CENPI: variants seen among roughly 807,000 people sequenced by gnomAD.
CENPI encodes FSH primary response 1.
In CENPI, 4 loss-of-function variants were observed where a neutral mutation model predicts 60.4. The ratio of observed to expected loss-of-function variants is 0.07; its 90% CI spans 0.03 to 0.15. The LOEUF (loss-of-function observed/expected upper bound fraction) is 0.15, where lower values mean the gene tolerates loss of function less well. CENPI is among the 10% of genes least tolerant of loss of function. CENPI has a pLI of 1.00. For synonymous variants in CENPI, 157 were observed against 189.4 expected, an observed-to-expected ratio of 0.83 and a Z score of 1.40; for missense variants, 444 against 534.5, an observed-to-expected ratio of 0.83 and a Z score of 1.67.
At chrX:101,131,755 G>A (rs2089797553) in intron 13 of CENPI, among the ~76,000 whole-genome samples, 1 of 111,488 alleles carries the variant, frequency 9.0e-6, no homozygotes, top group Non-Finnish European at 1.9e-5. Context: ...GGAAATATAA[G>A]CAACCTAGAC....
chrX:101,144,757 G>A (rs771438980), intron 16 of CENPI, among the ~76,000 whole-genome samples: 2 of 110,698 alleles, frequency 1.8e-5, no homozygotes, highest in African/African-American at 3.3e-5. Flanking sequence ...ATTTTTTAAT[G>A]GTTTTTATAT....
chrX:101,171,521 T>A, the CENPI span, among the ~76,000 whole-genome samples: 1 of 111,714 alleles, frequency 9.0e-6, no homozygotes, highest in Non-Finnish European at 1.9e-5. Flanking sequence ...ATTGCAGCCT[T>A]GATCTTCCAG....
chrX:101,113,330 A>T (rs7876677), intron 6 of CENPI, among the ~76,000 whole-genome samples: 24,723 of 89,525 alleles, frequency 0.28, 3,062 homozygotes, highest in African/African-American at 0.36. Flanking sequence ...CACAGAGTAG[A>T]TTTTTTTTTT....
intron 2 of CENPI, among the ~76,000 whole-genome samples, chrX:101,099,008 C>T (rs2089377309): frequency 8.9e-6 from 1 of 111,941 alleles, no homozygotes; most frequent in Non-Finnish European, 1.9e-5. Flanking sequence ...ATTCCACTCC[C>T]TCCAGACTGA....
the CENPI span, among the ~76,000 whole-genome samples, chrX:101,178,398 C>CTTCTTT: frequency 1.7e-3 from 66 of 39,988 alleles, 3 homozygotes; most frequent in Non-Finnish European, 2.4e-3. Flanking sequence ...TTTTCTTCTT[C>CTTCTTT]TTTTTTTTTT....
At chrX:101,171,707 G>A in the CENPI span, among the ~76,000 whole-genome samples, 7 of 112,132 alleles carry the variant, frequency 6.2e-5, no homozygotes, top group East Asian at 2.8e-4. Context: ...CATTACAGGC[G>A]TGTGCCACTA....
Position 101,166,019 on chromosome X carries a change from T to C in CENPI, c.*3052T>C, listed in dbSNP as rs2090142635. ...TATCATTAAAGAAACTTTTCTAAAC[T>C]TAAATTTATGAAAAATAATTTTTCC... On this transcript the variant is annotated 3_prime_UTR_variant, in exon 22 of 22. Transcript: ENST00000682095. 8.9e-6 allele frequency among the ~76,000 whole-genome samples: 1 copy of C among 112,447 alleles called. No homozygotes were observed. The highest frequency in any genetic ancestry group is 9.4e-5 in the Admixed American group (1 of 10,583).
At chrX:101,162,753 T>C in intron 21 of CENPI, 80 bp from the exon 22 acceptor site, 1 of 1,099,908 alleles carries the variant, frequency 9.1e-7, no homozygotes, top group Non-Finnish European at 1.2e-6. Context: ...CTGCAAACTC[T>C]TCCTAGGGAA....
At chrX:101,174,984 G>T in the CENPI span, among the ~76,000 whole-genome samples, 1 of 110,735 alleles carries the variant, frequency 9.0e-6, no homozygotes, top group African/African-American at 3.3e-5. Context: ...GCACATGTCT[G>T]TAATCCCAGC....
the CENPI span, among the ~76,000 whole-genome samples, chrX:101,180,165 C>T: frequency 9.0e-6 from 1 of 111,093 alleles, no homozygotes; most frequent in South Asian, 3.8e-4. Context: ...GAGACAGGGT[C>T]TTGCTCCACC....
chrX:101,120,316 G>A (rs1041382780), intron 6 of CENPI, 86 bp from the exon 7 acceptor site: 16 of 457,198 alleles, frequency 3.5e-5, no homozygotes, highest in Admixed American at 8.0e-5. Flanking sequence ...CTTAATCAGC[G>A]TAAGATTGAC....
chrX:101,111,114 C>G (rs1237649609), intron 6 of CENPI, among the ~76,000 whole-genome samples: 1 of 110,988 alleles, frequency 9.0e-6, no homozygotes, highest in East Asian at 2.8e-4. Flanking sequence ...GGAATTGGAA[C>G]TTTATTCAGT....
chrX:101,120,298 GT>G, intron 6 of CENPI, 103 bp from the exon 7 acceptor site: 1 of 407,990 alleles, frequency 2.5e-6, no homozygotes. Context: ...AGTCCTGAAG[GT>G]TTTTTACTTA....
chrX:101,154,011 G>A (rs867348596), intron 20 of CENPI, among the ~76,000 whole-genome samples: 5 of 111,618 alleles, frequency 4.5e-5, no homozygotes, highest in Middle Eastern at 9.3e-3. Flanking sequence ...TTGTTGAAAA[G>A]GCTACTCTTT....
At chrX:101,106,867 C>G (rs2089489008) in intron 4 of CENPI, among the ~76,000 whole-genome samples, 1 of 109,747 alleles carries the variant, frequency 9.1e-6, no homozygotes, top group African/African-American at 3.3e-5. Context: ...GTGAGACCAG[C>G]CTGGGCAACA....
intron 4 of CENPI, among the ~76,000 whole-genome samples, chrX:101,105,400 T>C (rs768863614): frequency 9.0e-5 from 10 of 111,124 alleles, no homozygotes; most frequent in Non-Finnish European, 1.3e-4. Flanking sequence ...GTCGGGCGCC[T>C]GTAGTCGCAG....
intron 4 of CENPI, 83 bp downstream of exon 4, chrX:101,102,494 T>TACAC (rs199833748): frequency 3.7e-5 from 11 of 298,610 alleles, no homozygotes; most frequent in African/African-American, 2.2e-4. Flanking sequence ...CTTATATATA[T>TACAC]ATACACACAC....
chrX:101,128,315 A>C (rs2085402379), intron 11 of CENPI, among the ~76,000 whole-genome samples: 1 of 110,134 alleles, frequency 9.1e-6, no homozygotes, highest in African/African-American at 3.3e-5. Flanking sequence ...CCTGGGCAAC[A>C]AGAGCGAAAC....
the CENPI span, among the ~76,000 whole-genome samples, chrX:101,177,516 T>G: frequency 8.9e-6 from 1 of 111,757 alleles, no homozygotes; most frequent in African/African-American, 3.2e-5. Context: ...GGTGGTGCAT[T>G]TAGGCATTGA....
Sources: gnomAD v4.1 joint callset for allele counts (sites outside exome capture counted in the v4.1 genomes callset) on GRCh38, gnomAD v4.1.1 for gene constraint, MANE v1.5 for transcripts, NCBI Gene and HGNC (gene_info 2026-07-23, HGNC 2026-07-21) for gene names.